Variants in CLSTN2 observed in about 807,000 individuals in gnomAD.
The protein encoded by CLSTN2 is calsyntenin-2.
CLSTN2 carries 48 observed loss-of-function variants against 101.2 expected under a neutral mutation model. That is an observed-to-expected ratio of 0.47 (90% CI 0.38 to 0.60). CLSTN2 has a LOEUF of 0.60. Ranked by LOEUF, CLSTN2 falls within the 20% of genes least tolerant of loss-of-function variation. The pLI, the probability that CLSTN2 is intolerant of heterozygous loss-of-function variation, is 0.00. For missense variants in CLSTN2, 1,160 were observed against 1,238.2 expected (o/e 0.94, Z 0.95); for synonymous variants, 481 against 463.6 (o/e 1.04, Z -0.48).
chr3:140,070,053 C>G (rs1288132398), intron 1 of CLSTN2, among the ~76,000 whole-genome samples: 1 of 152,222 alleles, frequency 6.6e-6, no homozygotes, highest in African/African-American at 2.4e-5. Flanking sequence ...GACCATCACA[C>G]CTACTCTTGG....
At chr3:140,425,828 C>CTGCA (rs1467012421) in intron 5 of CLSTN2, among the ~76,000 whole-genome samples, 1 of 152,192 alleles carries the variant, frequency 6.6e-6, no homozygotes, top group Non-Finnish European at 1.5e-5. Flanking sequence ...TCAGCTCACT[C>CTGCA]TGCAGTGAGG....
At chr3:139,939,169 G>A (rs1935080884) in intron 1 of CLSTN2, among the ~76,000 whole-genome samples, 1 of 152,136 alleles carries the variant, frequency 6.6e-6, no homozygotes, top group Non-Finnish European at 1.5e-5. Flanking sequence ...GGAGGATGGA[G>A]CAGAATTATA....
intron 1 of CLSTN2, among the ~76,000 whole-genome samples, chr3:140,090,134 C>G (rs1224823695): frequency 7.0e-6 from 1 of 143,230 alleles, no homozygotes; most frequent in Non-Finnish European, 1.5e-5. Flanking sequence ...GGGCTGATAT[C>G]TTTCTGGCAG....
chr3:140,277,596 C>T (rs1285504516), intron 2 of CLSTN2, among the ~76,000 whole-genome samples: 1 of 152,304 alleles, frequency 6.6e-6, no homozygotes, highest in East Asian at 1.9e-4. Context: ...TTCTGCACTG[C>T]ATGCTGCATA....
At chr3:140,027,956 G>A (rs991204532) in intron 1 of CLSTN2, among the ~76,000 whole-genome samples, 1 of 152,200 alleles carries the variant, frequency 6.6e-6, no homozygotes, top group Admixed American at 6.5e-5. Context: ...CCCTCTCTGA[G>A]CAGTGGCTTC....
At chr3:140,148,487 T>G (rs1393392686) in intron 1 of CLSTN2, among the ~76,000 whole-genome samples, 1 of 152,240 alleles carries the variant, frequency 6.6e-6, no homozygotes, top group Non-Finnish European at 1.5e-5. Flanking sequence ...TAAATGTTCA[T>G]GCTGATTAGA....
intron 2 of CLSTN2, among the ~76,000 whole-genome samples, chr3:140,287,075 G>A (rs932488792): frequency 6.6e-6 from 1 of 152,102 alleles, no homozygotes; most frequent in Admixed American, 6.6e-5. Context: ...TAGTGGCAAA[G>A]GTTTCTGAGG....
At chr3:140,171,709 A>G (rs2010224570) in intron 1 of CLSTN2, among the ~76,000 whole-genome samples, 1 of 106,744 alleles carries the variant, frequency 9.4e-6, no homozygotes, top group Non-Finnish European at 1.8e-5. Context: ...TATAATATGT[A>G]TTATGTATTA....
chr3:140,200,721 A>G (rs1299638749), intron 2 of CLSTN2, among the ~76,000 whole-genome samples: 1 of 152,198 alleles, frequency 6.6e-6, no homozygotes, highest in Non-Finnish European at 1.5e-5. Flanking sequence ...AGCATGAAAG[A>G]CAGAACATTT....
rs1248683375 is a variant in CLSTN2 at position 140,570,032 on chromosome 3, C to T, written c.*3779C>T. The T allele has an allele frequency of 1.3e-5, 2 of 152,106 alleles. No individual in the cohort carries two copies. The highest frequency in any genetic ancestry group is 6.6e-5 in the Admixed American group (1 of 15,242). 9.4% of individuals were successfully genotyped at this position (152,106 alleles called of 1,614,324 possible). ...TCATCCTATCAAGCAGGGTTTAGAC[C>T]AACATCTTTGCATTTAATAAGGGCT... On this transcript the variant is annotated 3_prime_UTR_variant, in exon 17 of 17. Transcript: ENST00000458420.
At position 140,091,422 on chromosome 3, in the gene CLSTN2, A is replaced by G. The variant is rs147349511; in HGVS notation, c.110-84529A>G. Reference sequence around the variant, plus strand: ...ACCACTGCTTTCAGGGAGCCGTGCCAGTGAGTAGCTGCCTTCCTTGGGGGA... The same window carrying G: ...ACCACTGCTTTCAGGGAGCCGTGCCGGTGAGTAGCTGCCTTCCTTGGGGGA... On this transcript the variant is annotated intron_variant, in intron 1 of 16. Coordinates refer to ENST00000458420, the MANE Select transcript of CLSTN2 (RefSeq NM_022131.3). Among the ~76,000 whole-genome samples, 47 of 152,280 alleles carry G rather than the reference A, an allele frequency of 3.1e-4. No homozygotes were observed. In the East Asian group the frequency reaches 7.9e-3, roughly 26 times the overall value.
At chr3:140,554,584 C>T (rs1047540809) in intron 10 of CLSTN2, among the ~76,000 whole-genome samples, 8 of 152,182 alleles carry the variant, frequency 5.3e-5, no homozygotes, top group Non-Finnish European at 1.2e-4. Flanking sequence ...GATATAATCT[C>T]TAGCAATGGA....
At chr3:140,526,631 C>CAACA (rs976990741) in intron 8 of CLSTN2, among the ~76,000 whole-genome samples, 7 of 133,518 alleles carry the variant, frequency 5.2e-5, no homozygotes, top group African/African-American at 2.1e-4. Flanking sequence ...ACTGAGCAAA[C>CAACA]AACAACAACA....
At chr3:139,989,801 A>G (rs1936087634) in intron 1 of CLSTN2, among the ~76,000 whole-genome samples, 1 of 152,174 alleles carries the variant, frequency 6.6e-6, no homozygotes, top group African/African-American at 2.4e-5. Flanking sequence ...CGGCCAGTCC[A>G]TGGCACTTCC....
intron 6 of CLSTN2, among the ~76,000 whole-genome samples, chr3:140,459,003 G>T (rs1933487573): frequency 6.6e-6 from 1 of 152,190 alleles, no homozygotes; most frequent in Admixed American, 6.5e-5. Context: ...ATGGGATCAG[G>T]ATCTAGAACT....
intron 2 of CLSTN2, among the ~76,000 whole-genome samples, chr3:140,320,409 G>C (rs147555687): frequency 6.6e-6 from 1 of 152,134 alleles, no homozygotes; most frequent in African/African-American, 2.4e-5. Context: ...AAGAGTGAGC[G>C]ATAGGACTAA....
At chr3:140,231,832 G>A (rs1167206218) in intron 2 of CLSTN2, among the ~76,000 whole-genome samples, 2 of 152,170 alleles carry the variant, frequency 1.3e-5, no homozygotes, top group African/African-American at 4.8e-5. Context: ...AAAGATTTCA[G>A]GTCAATTCAA....
chr3:140,466,604 T>G lies in CLSTN2; in HGVS notation c.1223-6T>G, dbSNP rs749122111. ...TCACTCTTCAAACCTTCTTTCTGCT[T>G]TTCAGAAATGAACCGGCATCACTAT... On this transcript the variant is annotated splice_polypyrimidine_tract_variant and splice_region_variant and intron_variant, in intron 7 of 16. Transcript: ENST00000458420. 6.2e-7 allele frequency: 1 copy of G among 1,614,136 alleles called. No individual in the cohort carries two copies. Among genetic ancestry groups the G allele is most frequent in the East Asian group, 2.2e-5 (1 of 44,878 alleles).
chr3:140,304,874 A>G (rs1220453548), intron 2 of CLSTN2, among the ~76,000 whole-genome samples: 1 of 152,176 alleles, frequency 6.6e-6, no homozygotes, highest in Non-Finnish European at 1.5e-5. Flanking sequence ...CTCCTCAAGT[A>G]GGAAATTATT....
Sources: allele counts gnomAD v4.1 joint callset (sites outside exome capture counted in the v4.1 genomes callset), GRCh38; gene constraint gnomAD v4.1.1; transcripts MANE v1.5; gene names NCBI Gene and HGNC (gene_info 2026-07-23, HGNC 2026-07-21).